Variants in DEGS1 observed in about 807,000 individuals in gnomAD.
DEGS1 encodes sphingolipid delta(4)-desaturase DES1.
Under a neutral mutation model 24.1 loss-of-function variants are expected in DEGS1, and 17 were observed. The ratio of observed to expected loss-of-function variants is 0.70; its 90% confidence interval spans 0.48 to 1.06. DEGS1 has a LOEUF of 1.06. Among genes scored for constraint, DEGS1 ranks in the 50% least tolerant of loss-of-function variants. DEGS1 has a pLI of 0.00. For synonymous variants in DEGS1, 134 were observed against 140.0 expected (o/e 0.96, Z 0.30); for missense variants, 366 against 408.9 (o/e 0.90, Z 0.91).
intron 1 of DEGS1, among the ~76,000 whole-genome samples, chr1:224,184,494 G>GTGTT: frequency 7.1e-6 from 1 of 141,204 alleles, no homozygotes; most frequent in Non-Finnish European, 1.6e-5. Flanking sequence ...GAGACTGCAC[G>GTGTT]TGTTTGTTTT....
rs1341247908 is a variant in DEGS1 at position 224,189,606 on chromosome 1, A to G, written c.112A>G (p.Lys38Glu). Reference sequence around the variant, plus strand: ...GTATCCAGAGATAAAGTCCTTGATGAAACCTGATCCCAATTTGATATGGAT... The same window carrying G: ...GTATCCAGAGATAAAGTCCTTGATGGAACCTGATCCCAATTTGATATGGAT... ...AKYPEIKSLM[K>E]PDPNLIWIII... Residue 38 changes from lysine (K) to glutamate (E), a missense_variant, in exon 2 of 3, where the codon AAA (lysine) becomes GAA (glutamate). By Grantham distance (56) the Lys-to-Glu change is moderately conservative. Transcript: ENST00000323699. 6.2e-7 allele frequency: 1 copy of G among 1,607,398 alleles called. No individual in the cohort carries two copies.
At chr1:224,186,529 C>T (rs1310890157) in intron 1 of DEGS1, among the ~76,000 whole-genome samples, 2 of 151,814 alleles carry the variant, frequency 1.3e-5, no homozygotes, top group East Asian at 1.9e-4. Context: ...CTGGCTAACA[C>T]GGTGAAACCC....
chr1:224,183,548 C>G, intron 1 of DEGS1, 130 bp downstream of exon 1: 1 of 658,308 alleles, frequency 1.5e-6, no homozygotes, highest in Non-Finnish European at 2.1e-6. Context: ...CGTCGCGTCC[C>G]GTCGCCGCTC....
At chr1:224,184,231 C>G (rs1251560813) in intron 1 of DEGS1, among the ~76,000 whole-genome samples, 6 of 152,182 alleles carry the variant, frequency 3.9e-5, no homozygotes, top group Non-Finnish European at 4.4e-5. Context: ...CCTTAACTCT[C>G]CAGAGGATTC....
Position 224,183,328 on chromosome 1 carries a change from G to A in DEGS1, c.-9G>A, listed in dbSNP as rs1658282551. The A allele has an allele frequency of 2.0e-6, 3 of 1,479,968 alleles. No homozygotes were observed. The highest frequency in any genetic ancestry group is 3.0e-5 in the East Asian group (1 of 33,076). 91.7% of individuals were successfully genotyped at this position (1,479,968 alleles called of 1,614,324 possible). A position where few individuals can be genotyped will look rare whatever the true frequency, so the allele number is the denominator to read the frequency against. ...GCCGACAGCTAGTCTGCAAGCCACC[G>A]CTGTCGCCATGGGGAGCCGCGTCTC... On this transcript the variant is annotated 5_prime_UTR_variant, in exon 1 of 3. Coordinates refer to ENST00000323699, the MANE Select transcript of DEGS1 (RefSeq NM_003676.4).
chr1:224,183,571 C>A (rs1247626314), intron 1 of DEGS1, 153 bp downstream of exon 1: 1 of 466,566 alleles, frequency 2.1e-6, no homozygotes, highest in Non-Finnish European at 3.3e-6. Context: ...GCCGCCAGCC[C>A]GCGGGTCAGC....
At chr1:224,188,182 C>T (rs903620575) in intron 1 of DEGS1, among the ~76,000 whole-genome samples, 1 of 152,060 alleles carries the variant, frequency 6.6e-6, no homozygotes, top group African/African-American at 2.4e-5. Context: ...CACTTGAGTC[C>T]AGGAGTTTGA....
chr1:224,187,759 A>G (rs1157571071), intron 1 of DEGS1, among the ~76,000 whole-genome samples: 2 of 152,146 alleles, frequency 1.3e-5, no homozygotes, highest in African/African-American at 4.8e-5. Context: ...TGTCACCACC[A>G]TATAACCTTA....
intron 1 of DEGS1, chr1:224,183,740 G>A (rs1387785035): frequency 3.0e-5 from 7 of 230,854 alleles, no homozygotes; most frequent in Admixed American, 2.9e-4. Context: ...GGCTGTGCCA[G>A]CCTTGAGTAG....
Position 224,192,702 on chromosome 1 carries a change from A to C in DEGS1, c.*224A>C. On this transcript the variant is annotated 3_prime_UTR_variant, in exon 3 of 3. Coordinates refer to ENST00000323699, the MANE Select transcript of DEGS1 (RefSeq NM_003676.4). ...AACTTGTGACTTGTGTATTATCGTC[A>C]TTGAGGATGTTTCACTCATGTCTGT... is the stretch of plus-strand genomic sequence containing the variant. 6.3e-6 allele frequency: 3 copies of C among 473,400 alleles called. No homozygotes were observed. The highest frequency in any genetic ancestry group is 4.0e-5 in the East Asian group (1 of 24,972). 29.3% of individuals were successfully genotyped at this position (473,400 alleles called of 1,614,324 possible). A position where few individuals can be genotyped will look rare whatever the true frequency, so the allele number is the denominator to read the frequency against.
chr1:224,184,762 C>T (rs986163946), intron 1 of DEGS1, among the ~76,000 whole-genome samples: 7 of 152,084 alleles, frequency 4.6e-5, no homozygotes, highest in African/African-American at 1.7e-4. Flanking sequence ...GTGATCCGCC[C>T]GCCTTGGCCT....
intron 1 of DEGS1, 90 bp downstream of exon 1, chr1:224,183,508 G>A: frequency 9.6e-7 from 1 of 1,041,926 alleles, no homozygotes; most frequent in Non-Finnish European, 1.2e-6. Flanking sequence ...GCGGTCGTGG[G>A]CGCCGGAGGC....
In DEGS1 at chr1:224,190,042, C is replaced by T. The variant is rs184105229; in HGVS notation, c.548C>T (p.Thr183Met). The T allele has an allele frequency of 8.5e-5, 138 of 1,614,180 alleles. No homozygotes were observed. Among genetic ancestry groups the T allele is most frequent in the Non-Finnish European group, 1.0e-4 (122 of 1,180,030 alleles). ...CTGTTCATCAACCCCAAACCAATTA[C>T]GTATCTGGAAGTTATCAATACCGTG... ...RPLFINPKPI[T>M]YLEVINTVAQ... Residue 183 changes from threonine to methionine, a missense_variant, in exon 2 of 3, where the codon ACG (threonine) becomes ATG (methionine). By Grantham distance (81) the Thr-to-Met change is moderately conservative. Transcript: ENST00000323699.
intron 1 of DEGS1, 23 bp downstream of exon 1, chr1:224,183,441 T>TTATG: frequency 7.4e-7 from 1 of 1,356,788 alleles, no homozygotes; most frequent in Non-Finnish European, 9.6e-7. Flanking sequence ...GGGCGCCCCG[T>TTATG]TATGTGCGTG....
At chr1:224,187,302 C>T (rs1022043450) in intron 1 of DEGS1, among the ~76,000 whole-genome samples, 4 of 150,502 alleles carry the variant, frequency 2.7e-5, no homozygotes, top group East Asian at 1.9e-4. Flanking sequence ...AGCGAGACTC[C>T]GTCTCAAAAA....
At chr1:224,184,500 G>T (rs10916443) in intron 1 of DEGS1, among the ~76,000 whole-genome samples, 3 of 147,092 alleles carry the variant, frequency 2.0e-5, no homozygotes, top group Non-Finnish European at 4.5e-5. Flanking sequence ...GCACGTGTTT[G>T]TTTTTTGTTT....
intron 1 of DEGS1, among the ~76,000 whole-genome samples, chr1:224,188,209 G>C (rs1420159395): frequency 6.6e-6 from 1 of 152,164 alleles, no homozygotes; most frequent in Non-Finnish European, 1.5e-5. Flanking sequence ...AGTGAGCTAT[G>C]ATGGCATCAC....
chr1:224,189,392 T>C (rs927308332), intron 1 of DEGS1, among the ~76,000 whole-genome samples, 185 bp from the exon 2 acceptor site: 1 of 152,220 alleles, frequency 6.6e-6, no homozygotes, highest in African/African-American at 2.4e-5. Context: ...TGTGACATGA[T>C]ATTTCATAAC....
chr1:224,185,178 G>T (rs1658348348), intron 1 of DEGS1, among the ~76,000 whole-genome samples: 1 of 152,098 alleles, frequency 6.6e-6, no homozygotes, highest in Non-Finnish European at 1.5e-5. Context: ...TTTTTGTAGA[G>T]ATGGGTTTCT....
Sources: allele counts gnomAD v4.1 joint callset (sites outside exome capture counted in the v4.1 genomes callset), GRCh38; gene constraint gnomAD v4.1.1; transcripts MANE v1.5; gene names NCBI Gene and HGNC (gene_info 2026-07-23, HGNC 2026-07-21).